The following FGF14 variants were observed in gnomAD, a reference collection of about 807,000 sequenced individuals.
The protein encoded by FGF14 is fibroblast growth factor 14, also known as fibroblast growth factor homologous factor 4.
Under a neutral mutation model 25.5 loss-of-function variants are expected in FGF14, and 5 were observed. The ratio of observed to expected loss-of-function variants is 0.20; its 90% CI spans 0.10 to 0.41. The LOEUF (loss-of-function observed/expected upper bound fraction) is 0.41. Among genes scored for constraint, FGF14 ranks in the 10% least tolerant of loss-of-function variants. The probability of loss-of-function intolerance (pLI) is 1.00; values close to 1 mark genes in which losing one functional copy is unlikely to be tolerated. For synonymous variants in FGF14, 138 were observed against 118.3 expected (o/e 1.17, Z -1.08); for missense variants, 222 against 320.1 (o/e 0.69, Z 2.34).
intron 1 of FGF14, among the ~76,000 whole-genome samples, chr13:102,223,580 T>C (rs981169086): frequency 6.6e-6 from 1 of 152,188 alleles, no homozygotes; most frequent in Non-Finnish European, 1.5e-5. Context: ...GCCTACGGCT[T>C]TCAGAAGGAC....
intron 1 of FGF14, among the ~76,000 whole-genome samples, chr13:102,310,702 G>A (rs1232567576): frequency 1.6e-5 from 1 of 61,414 alleles, no homozygotes; most frequent in South Asian, 1.0e-3. Flanking sequence ...TGTGTGGGGG[G>A]GGGGGGGTGG....
chr13:101,855,246 C>G (rs1233140500), intron 3 of FGF14, among the ~76,000 whole-genome samples: 1 of 151,950 alleles, frequency 6.6e-6, no homozygotes, highest in African/African-American at 2.4e-5. Flanking sequence ...TTTTGCACAA[C>G]CTGGGCTTTA....
intron 1 of FGF14, among the ~76,000 whole-genome samples, chr13:102,211,024 T>C (rs2050135776): frequency 6.6e-6 from 1 of 152,164 alleles, no homozygotes; most frequent in South Asian, 2.1e-4. Context: ...ATGACCACCT[T>C]TGTTTATTTC....
chr13:102,389,020 C>T (rs1415074643), intron 1 of FGF14, among the ~76,000 whole-genome samples: 1 of 152,146 alleles, frequency 6.6e-6, no homozygotes, highest in Non-Finnish European at 1.5e-5. Flanking sequence ...CACATTACTC[C>T]TCTTGCCAAG....
At chr13:102,119,085 G>A (rs1474081251) in intron 1 of FGF14, among the ~76,000 whole-genome samples, 2 of 152,138 alleles carry the variant, frequency 1.3e-5, no homozygotes, top group African/African-American at 4.8e-5. Flanking sequence ...ACATCAACTT[G>A]AGTATCAATA....
At chr13:101,738,485 G>A (rs1268394851) in intron 3 of FGF14, among the ~76,000 whole-genome samples, 1 of 152,128 alleles carries the variant, frequency 6.6e-6, no homozygotes, top group African/African-American at 2.4e-5. Context: ...CATCGGCCAT[G>A]AGTCCCCAGA....
At chr13:101,840,949 G>A (rs905896197) in intron 3 of FGF14, among the ~76,000 whole-genome samples, 1 of 151,956 alleles carries the variant, frequency 6.6e-6, no homozygotes, top group Admixed American at 6.6e-5. Flanking sequence ...GTAATGAGGA[G>A]TTTACGCTGT....
intron 1 of FGF14, among the ~76,000 whole-genome samples, chr13:102,115,430 AAT>A (rs1476175889): frequency 6.6e-6 from 1 of 152,168 alleles, no homozygotes; most frequent in African/African-American, 2.4e-5. Context: ...ACTGGTGTGA[AAT>A]GGTATCTCAT....
chr13:101,802,027 G>A (rs1038052601), intron 3 of FGF14: 19 of 422,370 alleles, frequency 4.5e-5, no homozygotes, highest in African/African-American at 3.1e-4. Context: ...ACAGGTGAAA[G>A]ACAGTGTCTA....
intron 1 of FGF14, among the ~76,000 whole-genome samples, chr13:101,904,269 C>A (rs903058464): frequency 3.3e-5 from 5 of 152,016 alleles, no homozygotes; most frequent in Admixed American, 1.3e-4. Context: ...TTTTGTGGAC[C>A]TTTGGGCTCT....
intron 1 of FGF14, among the ~76,000 whole-genome samples, chr13:101,893,212 A>G (rs1299683752): frequency 6.6e-6 from 1 of 152,134 alleles, no homozygotes; most frequent in Non-Finnish European, 1.5e-5. Context: ...CATCTTTTCA[A>G]ATGGCTAGTT....
chr13:102,275,648 C>A (rs2053500285), intron 1 of FGF14, among the ~76,000 whole-genome samples: 1 of 151,252 alleles, frequency 6.6e-6, no homozygotes, highest in African/African-American at 2.4e-5. Context: ...GACTTTTATG[C>A]CTAATAAACT....
At chr13:102,394,606 C>T (rs2058526111) in intron 1 of FGF14, 1 of 152,320 alleles carries the variant, frequency 6.6e-6, no homozygotes, top group African/African-American at 2.4e-5. Context: ...TACGGCGGCT[C>T]CAACGGGCCG....
At chr13:101,770,250 A>G (rs1302582646) in intron 3 of FGF14, among the ~76,000 whole-genome samples, 3 of 152,128 alleles carry the variant, frequency 2.0e-5, no homozygotes, top group African/African-American at 7.2e-5. Context: ...CAAACCATTC[A>G]TTGTGGGCTA....
intron 1 of FGF14, among the ~76,000 whole-genome samples, chr13:102,085,569 CAT>C (rs2043856794): frequency 6.6e-6 from 1 of 152,130 alleles, no homozygotes. Context: ...CAATGGAAGA[CAT>C]AGGCCATTTC....
intron 1 of FGF14, among the ~76,000 whole-genome samples, chr13:101,996,291 T>C (rs571067634): frequency 5.3e-5 from 8 of 152,236 alleles, no homozygotes; most frequent in East Asian, 1.9e-4. Flanking sequence ...GACCTTGATG[T>C]TGGAGCTCAG....
intron 1 of FGF14, among the ~76,000 whole-genome samples, chr13:102,112,571 G>T (rs1052692410): frequency 6.6e-6 from 1 of 152,022 alleles, no homozygotes; most frequent in African/African-American, 2.4e-5. Context: ...AACATTTACC[G>T]AAAGTCTTCT....
At chr13:102,253,973 A>G (rs1412440827) in intron 1 of FGF14, among the ~76,000 whole-genome samples, 1 of 152,210 alleles carries the variant, frequency 6.6e-6, no homozygotes, top group Non-Finnish European at 1.5e-5. Context: ...TGAAGATTTT[A>G]TTCCCTCACC....
At chr13:102,294,833 T>C (rs1293220741) in intron 1 of FGF14, among the ~76,000 whole-genome samples, 1 of 152,200 alleles carries the variant, frequency 6.6e-6, no homozygotes, top group East Asian at 1.9e-4. Context: ...AAGACGGCTC[T>C]CTCAGTGCCT....
Sources: gnomAD v4.1 joint callset for allele counts (sites outside exome capture counted in the v4.1 genomes callset) on GRCh38, gnomAD v4.1.1 for gene constraint, MANE v1.5 for transcripts, NCBI Gene and HGNC (gene_info 2026-07-23, HGNC 2026-07-21) for gene names.